Variants in SERPINA12 observed in about 807,000 individuals in gnomAD.
The protein encoded by SERPINA12 is serpin family A member 12.
A neutral mutation model predicts 25.9 loss-of-function variants in SERPINA12; 21 were observed. The ratio of observed to expected loss-of-function variants is 0.81; its 90% CI spans 0.58 to 1.17. SERPINA12 has a LOEUF of 1.17. Among genes scored for constraint, SERPINA12 ranks in the 50% most tolerant of loss-of-function variants. SERPINA12 has a pLI of 0.00. For missense variants in SERPINA12, 562 were observed against 508.3 expected, an observed-to-expected ratio of 1.11 and a Z score of -1.02; for synonymous variants, 220 against 196.0, an observed-to-expected ratio of 1.12 and a Z score of -1.02.
At chr14:94,513,683 C>T (rs1901163287), upstream of SERPINA12, among the ~76,000 whole-genome samples, 1 of 152,168 alleles carries the variant, frequency 6.6e-6, no homozygotes, top group African/African-American at 2.4e-5. Flanking sequence ...TCCCCAAGGG[C>T]TGGACCAATG....
At chr14:94,496,809 T>C (rs1386272496) in intron 2 of SERPINA12, among the ~76,000 whole-genome samples, 166 bp from the exon 3 acceptor site, 1 of 152,160 alleles carries the variant, frequency 6.6e-6, no homozygotes, top group Non-Finnish European at 1.5e-5. Flanking sequence ...TTTCTGATGA[T>C]ATGGGCTCAG....
Position 94,504,559 on chromosome 14 carries a change from C to A in SERPINA12, c.-34+4783G>T, listed in dbSNP as rs4900234. Among the ~76,000 whole-genome samples the A allele has an allele frequency of 6.4e-3, 979 of 152,330 alleles. 56 individuals carry two copies. Among genetic ancestry groups the A allele is most frequent in the Admixed American group, 0.055 (849 of 15,306 alleles). On this transcript the variant is annotated intron_variant, in intron 1 of 4. Coordinates refer to ENST00000677451, the MANE Select transcript of SERPINA12 (RefSeq NM_001382267.1). ...ATTCCCATGTATCCCTCACCATTTT[C>A]TTTTGCTATTTTTTCATGTGTTCCA...
chr14:94,497,359 C>G (rs1270639835), intron 2 of SERPINA12, among the ~76,000 whole-genome samples: 1 of 152,196 alleles, frequency 6.6e-6, no homozygotes, highest in Non-Finnish European at 1.5e-5. Context: ...GGAAAGCACA[C>G]AGTGCTAGGG....
chr14:94,500,289 T>TCCTCTTCC (rs1215248878), intron 1 of SERPINA12, among the ~76,000 whole-genome samples: 2 of 152,188 alleles, frequency 1.3e-5, no homozygotes, highest in South Asian at 2.1e-4. Flanking sequence ...CCTCTTCTTC[T>TCCTCTTCC]TTCTTCTCCT....
chr14:94,497,362 T>C (rs189276265), intron 2 of SERPINA12, among the ~76,000 whole-genome samples: 2 of 152,238 alleles, frequency 1.3e-5, no homozygotes, highest in Non-Finnish European at 2.9e-5. Flanking sequence ...AAGCACACAG[T>C]GCTAGGGCCA....
chr14:94,491,810 T>C (rs1900189095), intron 3 of SERPINA12, among the ~76,000 whole-genome samples: 2 of 152,010 alleles, frequency 1.3e-5, no homozygotes, highest in African/African-American at 4.8e-5. Flanking sequence ...AAGCTCCAAT[T>C]ACACATCCTG....
chr14:94,489,473 G>T, intron 4 of SERPINA12, 147 bp downstream of exon 4: 2 of 822,038 alleles, frequency 2.4e-6, no homozygotes, highest in Non-Finnish European at 3.7e-6. Context: ...GGATCACGGG[G>T]TTGGTAAGGG....
chr14:94,489,968 C>T (rs1424370219), intron 3 of SERPINA12, among the ~76,000 whole-genome samples: 2 of 152,280 alleles, frequency 1.3e-5, no homozygotes, highest in East Asian at 3.9e-4. Context: ...CGTGTCCCTG[C>T]CTCCCAGCAC....
Position 94,495,155 on chromosome 14 carries a change from G to T in SERPINA12, c.905+1218C>A, listed in dbSNP as rs1381801673. 8.3e-5 allele frequency among the ~76,000 whole-genome samples: 11 copies of T among 132,140 alleles called. No individual in the cohort carries two copies. The East Asian group carries it at 2.1e-3, about 26-fold the overall frequency. The allele number at this position is 132,140 out of a possible 152,430, so 86.7% of individuals were successfully genotyped here. On this transcript the variant is annotated intron_variant, in intron 3 of 4. Coordinates refer to ENST00000677451, the MANE Select transcript of SERPINA12 (RefSeq NM_001382267.1). ...GGGATCTCGGCTCACTGCAAGCTCCGCCTCCCGGGTTCATGCCATTCTCCT... is the reference window on the plus strand; with the variant it reads ...GGGATCTCGGCTCACTGCAAGCTCCTCCTCCCGGGTTCATGCCATTCTCCT...
upstream of SERPINA12, chr14:94,510,344 C>T (rs1384529780): frequency 1.2e-6 from 1 of 827,116 alleles, no homozygotes; most frequent in Non-Finnish European, 1.5e-6. Flanking sequence ...AAAAAAAGAG[C>T]ATTTGCTCAA....
intron 4 of SERPINA12, among the ~76,000 whole-genome samples, chr14:94,488,099 A>T (rs1899979973): frequency 6.6e-6 from 1 of 152,244 alleles, no homozygotes. Flanking sequence ...CTGTGTTACA[A>T]TCACAGCTAT....
chr14:94,496,350 C>A (rs774016044), intron 3 of SERPINA12, 23 bp downstream of exon 3: 2 of 1,613,238 alleles, frequency 1.2e-6, no homozygotes, highest in African/African-American at 1.3e-5. Context: ...GAAAAAGCTG[C>A]GAGGGCTAGG....
intron 1 of SERPINA12, among the ~76,000 whole-genome samples, chr14:94,507,082 C>T (rs1437859910): frequency 6.6e-6 from 1 of 152,166 alleles, no homozygotes; most frequent in Non-Finnish European, 1.5e-5. Flanking sequence ...AAAACAACAA[C>T]AACAACAACA....
chr14:94,515,297 A>G (rs1428309913), intron 2 of SERPINA12, among the ~76,000 whole-genome samples: 1 of 152,076 alleles, frequency 6.6e-6, no homozygotes, highest in African/African-American at 2.4e-5. Context: ...AGGAAGACCT[A>G]GGGCTGTCTG....
upstream of SERPINA12, chr14:94,509,978 C>T: frequency 1.0e-6 from 1 of 985,410 alleles, no homozygotes. Flanking sequence ...TCACATGGCC[C>T]TCTCTCACCT....
In SERPINA12 at chr14:94,498,204, A is replaced by T. The variant is rs1472695318; in HGVS notation, c.194T>A (p.Phe65Tyr). 2 of 1,614,050 alleles carry T rather than the reference A, an allele frequency of 1.2e-6. No homozygotes were observed. The highest frequency in any genetic ancestry group is 2.7e-5 in the African/African-American group (2 of 74,916). ...GAAGATGTTCCTGCCAGGGTTGTAA[A>T]AGGCCAGCTTCTTGAGCAGCTTAAA... ...LGFKLLKKLA[F>Y]YNPGRNIFLS... The change falls in exon 2 of 5, where the codon TTT (phenylalanine) becomes TAT (tyrosine). Residue 65 changes from phenylalanine (F) to tyrosine (Y), a missense_variant. Physicochemically the swap from Phe to Tyr is conservative, Grantham distance 22. Coordinates refer to ENST00000677451, the MANE Select transcript of SERPINA12 (RefSeq NM_001382267.1).
upstream of SERPINA12, among the ~76,000 whole-genome samples, chr14:94,512,264 G>A (rs1371285139): frequency 2.0e-5 from 3 of 152,174 alleles, no homozygotes; most frequent in Non-Finnish European, 1.5e-5. Flanking sequence ...GTGACATTGA[G>A]GCGGAGCACA....
chr14:94,516,719 G>A (rs930900381), intron 1 of SERPINA12, among the ~76,000 whole-genome samples: 3 of 152,194 alleles, frequency 2.0e-5, no homozygotes, highest in Non-Finnish European at 2.9e-5. Context: ...ATACCTTACA[G>A]TTTCTGTCCC....
chr14:94,514,037 T>A (rs2139868133), upstream of SERPINA12, among the ~76,000 whole-genome samples: 1 of 152,252 alleles, frequency 6.6e-6, no homozygotes, highest in African/African-American at 2.4e-5. Flanking sequence ...AGCACATCTA[T>A]GTCTTAACCT....
Sources: gnomAD v4.1 joint callset for allele counts (sites outside exome capture counted in the v4.1 genomes callset) on GRCh38, gnomAD v4.1.1 for gene constraint, MANE v1.5 for transcripts, NCBI Gene and HGNC (gene_info 2026-07-23, HGNC 2026-07-21) for gene names.